Variants in NUP98 observed in about 807,000 individuals in gnomAD.
NUP98 encodes the protein nucleoporin 98 and 96 precursor.
NUP98 carries 26 observed loss-of-function variants against 191.9 expected under a neutral mutation model. The observed-to-expected ratio is 0.14, with a 90% confidence interval of 0.10 to 0.19. The LOEUF (loss-of-function observed/expected upper bound fraction) is 0.19. Ranked by LOEUF, NUP98 falls within the 10% of genes least tolerant of loss-of-function variation. NUP98 has a pLI of 1.00. For missense variants in NUP98, 1,941 were observed against 2,178.8 expected, an observed-to-expected ratio of 0.89 and a Z score of 2.17; for synonymous variants, 808 against 778.4, an observed-to-expected ratio of 1.04 and a Z score of -0.63.
At chr11:3,739,115 G>A (rs1347671751) in intron 12 of NUP98, among the ~76,000 whole-genome samples, 1 of 152,090 alleles carries the variant, frequency 6.6e-6, no homozygotes, top group Non-Finnish European at 1.5e-5. Context: ...CTAAATTCTT[G>A]TGTCAGGAAC....
intron 8 of NUP98, among the ~76,000 whole-genome samples, chr11:3,767,198 T>A (rs919656734): frequency 4.6e-5 from 7 of 150,734 alleles, no homozygotes. Flanking sequence ...CCTGACCTCA[T>A]GATCCGCCCA....
chr11:3,676,645 T>A (rs374658484), intron 31 of NUP98, 25 bp from the exon 32 acceptor site: 3 of 1,555,234 alleles, frequency 1.9e-6, no homozygotes, highest in Non-Finnish European at 1.8e-6. Context: ...AGAAGCCAAT[T>A]AATCCAAGGG....
chr11:3,714,344 C>T (rs908072307), intron 18 of NUP98, among the ~76,000 whole-genome samples: 2 of 152,114 alleles, frequency 1.3e-5, no homozygotes, highest in East Asian at 1.9e-4. Flanking sequence ...AAAGGGCTAC[C>T]GTACTAAATA....
chr11:3,730,200 A>T (rs916921969), intron 14 of NUP98, among the ~76,000 whole-genome samples: 4 of 152,118 alleles, frequency 2.6e-5, no homozygotes, highest in African/African-American at 9.7e-5. Context: ...GTGCCACTGC[A>T]CTCCAGCCTG....
At position 3,776,039 on chromosome 11, in the gene NUP98, A is replaced by G. The variant is rs769347335; in HGVS notation, c.356-18T>C. The G allele has an allele frequency of 1.3e-6, 2 of 1,592,286 alleles. No individual in the cohort carries two copies. Among genetic ancestry groups the G allele is most frequent in the Non-Finnish European group, 8.6e-7 (1 of 1,167,724 alleles). ...TCCAAAATCTAAAAATAAGAAAGAAAAATGAGACGATAACAGTAAGAAATT... is the reference window on the plus strand; with the variant it reads ...TCCAAAATCTAAAAATAAGAAAGAAGAATGAGACGATAACAGTAAGAAATT... On this transcript the variant is annotated intron_variant, in intron 4 of 32. Transcript: ENST00000324932.
chr11:3,789,922 C>T lies in NUP98; in HGVS notation c.-29+7478G>A, dbSNP rs113687836. Among the ~76,000 whole-genome samples, 1,516 of 152,186 alleles carry T rather than the reference C, an allele frequency of 1.0e-2. 26 individuals carry two copies. Among genetic ancestry groups the T allele is most frequent in the African/African-American group, 0.035 (1,457 of 41,514 alleles). ...GCCTCAGCCTCTCGAGAAGATGGGA[C>T]TACAGGCACCCACCACTATACCGGG... is the stretch of plus-strand genomic sequence containing the variant. On this transcript the variant is annotated intron_variant, in intron 1 of 32. Coordinates refer to ENST00000324932, the MANE Select transcript of NUP98 (RefSeq NM_016320.5).
rs779850130 is a variant in NUP98, at chr11:3,702,484, G to A, written c.3491C>T (p.Pro1164Leu). The change falls in exon 23 of 33, where the codon CCC becomes CTC. Residue 1164 changes from proline (P) to leucine (L), a missense_variant. Physicochemically the swap from Pro to Leu is moderately conservative, Grantham distance 98. This residue lies in a region of NUP98 where 1,030 missense variants were observed against 1,115.8 expected (regional missense o/e 0.92). Transcript: ENST00000324932. ...IADSMEFGFL[P>L]NPVAVKPLTE... is the part of the protein sequence containing the mutation. ...TCACGGTTTAACAGCTACTGGATTGGGCAGGAATCCAAACTCCATGGAATC... is the reference window on the plus strand; with the variant it reads ...TCACGGTTTAACAGCTACTGGATTGAGCAGGAATCCAAACTCCATGGAATC... 6.2e-7 allele frequency: 1 copy of A among 1,613,718 alleles called. No homozygotes were observed. The highest frequency in any genetic ancestry group is 1.1e-5 in the South Asian group (1 of 91,062).
chr11:3,795,636 GACA>G (rs2082503560), intron 1 of NUP98, among the ~76,000 whole-genome samples: 1 of 151,908 alleles, frequency 6.6e-6, no homozygotes. Flanking sequence ...CAAGCAACTG[GACA>G]ACAAAGATAA....
chr11:3,700,078 G>A (rs952031129), intron 24 of NUP98, among the ~76,000 whole-genome samples: 3 of 152,022 alleles, frequency 2.0e-5, no homozygotes, highest in Non-Finnish European at 4.4e-5. Context: ...AGAAGGGGCC[G>A]GGCTCGATGG....
intron 31 of NUP98, among the ~76,000 whole-genome samples, chr11:3,678,830 A>C (rs552194238): frequency 6.6e-6 from 1 of 152,260 alleles, no homozygotes; most frequent in Non-Finnish European, 1.5e-5. Flanking sequence ...ACTGACCTTA[A>C]GGCTGCGTGC....
chr11:3,676,430 T>C (rs955169018), intron 32 of NUP98, 54 bp from the exon 33 acceptor site: 10 of 1,605,436 alleles, frequency 6.2e-6, no homozygotes, highest in African/African-American at 1.3e-5. Flanking sequence ...AGAAGGGTGG[T>C]AGGCACTGAG....
At chr11:3,715,718 G>A (rs1003159824) in intron 18 of NUP98, among the ~76,000 whole-genome samples, 1 of 151,992 alleles carries the variant, frequency 6.6e-6, no homozygotes, top group Admixed American at 6.6e-5. Flanking sequence ...CCTGAGTTCA[G>A]CTGAACCTCC....
At chr11:3,767,975 G>T (rs1034132010) in intron 8 of NUP98, among the ~76,000 whole-genome samples, 6 of 151,958 alleles carry the variant, frequency 3.9e-5, no homozygotes, top group Admixed American at 1.3e-4. Flanking sequence ...ATTTTCCAAG[G>T]TATAGCTTTA....
At chr11:3,796,776 G>A (rs919897381) in intron 1 of NUP98, among the ~76,000 whole-genome samples, 7 of 152,186 alleles carry the variant, frequency 4.6e-5, no homozygotes, top group Admixed American at 4.6e-4. Flanking sequence ...ATGTAAGGTA[G>A]GGGGATTGAC....
rs1193119076 is a variant in NUP98 at position 3,771,859 on chromosome 11, T to C, written c.673A>G (p.Thr225Ala). 5 of 1,614,148 alleles carry C rather than the reference T, an allele frequency of 3.1e-6. No individual in the cohort carries two copies. Among genetic ancestry groups the C allele is most frequent in the Non-Finnish European group, 3.4e-6 (4 of 1,180,028 alleles). ...GCTGGAGAAGACCCAAACAAGCCAG[T>C]TGTGGTACCTGCTCCCACCTGGTTC... Reference protein sequence around the residue: ...PQNQVGAGTTTGLFGSSPATS... With the variant: ...PQNQVGAGTTAGLFGSSPATS... The change falls in exon 7 of 33, where the codon ACT becomes GCT. Residue 225 changes from threonine (T) to alanine (A), a missense_variant. Thr to Ala is a moderately conservative substitution (Grantham distance 58, BLOSUM62 0). Coordinates refer to ENST00000324932, the MANE Select transcript of NUP98 (RefSeq NM_016320.5).
In NUP98 at chr11:3,731,536, T is replaced by C. The variant is rs1589828975; in HGVS notation, c.1585A>G (p.Thr529Ala). Residue 529 changes from threonine (T) to alanine (A), a missense_variant, in exon 14 of 33, where the codon ACA (threonine) becomes GCA (alanine). By Grantham distance (58) the Thr-to-Ala change is moderately conservative. Transcript: ENST00000324932. ...GGTGTCAGTTTATAATGAGTAGGTG[T>C]AGTAAGAGCCTTCTGGGCTGCTGGA... ...TNPAAQKALT[T>A]PTHYKLTPRP... The C allele has an allele frequency of 2.5e-6, 4 of 1,599,046 alleles. No individual in the cohort carries two copies. Among genetic ancestry groups the C allele is most frequent in the Non-Finnish European group, 3.4e-6 (4 of 1,172,440 alleles).
intron 14 of NUP98, among the ~76,000 whole-genome samples, chr11:3,726,525 T>TA (rs781738636): frequency 0.023 from 2,929 of 127,456 alleles, 65 homozygotes; most frequent in African/African-American, 0.061. Flanking sequence ...CCACTGACAT[T>TA]AAAAAAAAAA....
At chr11:3,742,632 G>C (rs1268419520) in intron 12 of NUP98, among the ~76,000 whole-genome samples, 2 of 144,518 alleles carry the variant, frequency 1.4e-5, no homozygotes, top group African/African-American at 5.1e-5. Flanking sequence ...CTGGGAGGCA[G>C]AGGTTGCAGT....
intron 25 of NUP98, 127 bp from the exon 26 acceptor site, chr11:3,695,733 T>G: frequency 1.6e-6 from 1 of 628,594 alleles, no homozygotes; most frequent in Non-Finnish European, 2.4e-6. Flanking sequence ...AACTGCTTTC[T>G]GCAGTAGTGC....
Sources: gnomAD v4.1 joint callset for allele counts (sites outside exome capture counted in the v4.1 genomes callset) on GRCh38, gnomAD v4.1.1 for gene constraint, gnomAD v4.1.1 regional missense constraint, MANE v1.5 for transcripts, NCBI Gene and HGNC (gene_info 2026-07-23, HGNC 2026-07-21) for gene names.